ZNF560: variants seen among roughly 807,000 people sequenced by gnomAD.
The protein encoded by ZNF560 is zinc finger protein 560.
ZNF560 carries 54 observed loss-of-function variants against 81.8 expected under a neutral mutation model. The observed-to-expected ratio is 0.66, with a 90% CI of 0.53 to 0.83. ZNF560 has a LOEUF of 0.83. ZNF560 is among the 40% of genes least tolerant of loss of function. The pLI is 0.00. For synonymous variants in ZNF560, 321 were observed against 317.9 expected (o/e 1.01, Z -0.10); for missense variants, 940 against 932.4 (o/e 1.01, Z -0.11).
upstream of ZNF560, among the ~76,000 whole-genome samples, chr19:9,501,777 G>A (rs2073635488): frequency 6.6e-6 from 1 of 152,008 alleles, no homozygotes; most frequent in South Asian, 2.1e-4. Context: ...TAGGATTACA[G>A]GCATGAGCCA....
chr19:9,462,799 A>T (rs1035812754), downstream of ZNF560, among the ~76,000 whole-genome samples: 2 of 152,224 alleles, frequency 1.3e-5, no homozygotes, highest in Admixed American at 1.3e-4. Context: ...ACATTTAAAT[A>T]TTAGGTATCT....
Position 9,481,116 on chromosome 19 carries a change from C to T in ZNF560, c.-56-5747G>A, listed in dbSNP as rs182586672. 1.2e-3 allele frequency among the ~76,000 whole-genome samples: 169 copies of T among 142,126 alleles called. 1 individual carries two copies. Among genetic ancestry groups the T allele is most frequent in the African/African-American group, 3.9e-3 (151 of 38,892 alleles). The allele number at this position is 142,126 out of a possible 152,430, so 93.2% of individuals were successfully genotyped here. A position where few individuals can be genotyped will look rare whatever the true frequency, so the allele number is the denominator to read the frequency against. ...AAAAAAAAAGGCCTCAGAAATAACA[C>T]CACACATCTACACCATGTGATCTTT... is the stretch of plus-strand genomic sequence containing the variant. On this transcript the variant is annotated intron_variant, in intron 2 of 9. Transcript: ENST00000301480.
chr19:9,453,616 G>A, the ZNF560 span, among the ~76,000 whole-genome samples: 1 of 152,062 alleles, frequency 6.6e-6, no homozygotes, highest in Admixed American at 6.6e-5. Context: ...ACAGACTTAA[G>A]ATGAAATTGG....
intron 3 of ZNF560, among the ~76,000 whole-genome samples, chr19:9,474,824 T>A (rs975459027): frequency 6.9e-5 from 2 of 29,152 alleles, no homozygotes. Context: ...ATGCCTGGCA[T>A]TTTTTTTTTT....
At chr19:9,476,203 A>T (rs1417553494) in intron 2 of ZNF560, among the ~76,000 whole-genome samples, 1 of 152,020 alleles carries the variant, frequency 6.6e-6, no homozygotes, top group East Asian at 1.9e-4. Flanking sequence ...GCAGAACCAG[A>T]TGGAGGTGAT....
At chr19:9,447,954 G>A in the ZNF560 span, among the ~76,000 whole-genome samples, 1 of 152,184 alleles carries the variant, frequency 6.6e-6, no homozygotes, top group African/African-American at 2.4e-5. Context: ...CTTAAAGGCA[G>A]CTAGAGGAAA....
Position 9,466,790 on chromosome 19 carries a change from T to G in ZNF560, c.2157A>C (p.Lys719Asn), listed in dbSNP as rs140170249. ...TAAGATCTGAATGACAAGTGAAGGC[T>G]TTCCCACAGTCCTTACATTTATAGG... ...IKPYKCKDCG[K>N]AFTCHSDLTN... The change falls in exon 10 of 10, where the codon AAA (lysine) becomes AAC (asparagine). Residue 719 changes from lysine (K) to asparagine (N), a missense_variant. Transcript: ENST00000301480. 4.3e-6 allele frequency: 7 copies of G among 1,614,150 alleles called. No homozygotes were observed. Among genetic ancestry groups the G allele is most frequent in the Middle Eastern group, 1.6e-4 (1 of 6,062 alleles).
chr19:9,502,806 C>T (rs1285251306), upstream of ZNF560, among the ~76,000 whole-genome samples: 1 of 151,904 alleles, frequency 6.6e-6, no homozygotes, highest in Non-Finnish European at 1.5e-5. Flanking sequence ...TAGTGTGCCC[C>T]AGTTTCATTT....
intron 2 of ZNF560, among the ~76,000 whole-genome samples, chr19:9,476,611 T>C (rs2144699699): frequency 6.6e-6 from 1 of 152,256 alleles, no homozygotes; most frequent in Middle Eastern, 3.4e-3. Context: ...TTTATAAGTA[T>C]GTGGCATTTC....
chr19:9,485,872 T>C (rs995323589), intron 2 of ZNF560, among the ~76,000 whole-genome samples: 8 of 152,174 alleles, frequency 5.3e-5, no homozygotes, highest in Non-Finnish European at 7.3e-5. Flanking sequence ...TTGAGAAACA[T>C]GCTCAAGTAT....
intron 2 of ZNF560, among the ~76,000 whole-genome samples, chr19:9,487,730 CA>C (rs1426530265): frequency 6.6e-6 from 1 of 152,168 alleles, no homozygotes; most frequent in Admixed American, 6.5e-5. Flanking sequence ...AGGTCATGGT[CA>C]GGGGAGGGCC....
At chr19:9,453,383 A>G in the ZNF560 span, among the ~76,000 whole-genome samples, 2 of 152,008 alleles carry the variant, frequency 1.3e-5, no homozygotes, top group African/African-American at 4.8e-5. Context: ...TACTAATCAA[A>G]TCCATTTATT....
At chr19:9,460,357 A>T in the ZNF560 span, among the ~76,000 whole-genome samples, 1 of 152,262 alleles carries the variant, frequency 6.6e-6, no homozygotes, top group African/African-American at 2.4e-5. Flanking sequence ...ATTTTATGAC[A>T]GCGGTGATCA....
chr19:9,450,322 G>T, the ZNF560 span, among the ~76,000 whole-genome samples: 7 of 151,548 alleles, frequency 4.6e-5, no homozygotes, highest in African/African-American at 1.7e-4. Flanking sequence ...AAAAGGATGC[G>T]CACTCTAACC....
downstream of ZNF560, among the ~76,000 whole-genome samples, chr19:9,465,544 T>C (rs2073001933): frequency 6.6e-6 from 1 of 152,184 alleles, no homozygotes; most frequent in African/African-American, 2.4e-5. Flanking sequence ...TTATGGAGCA[T>C]CATCAGAGTG....
intron 7 of ZNF560, 131 bp from the exon 8 acceptor site, chr19:9,469,841 G>T (rs926049334): frequency 7.3e-6 from 5 of 689,176 alleles, no homozygotes; most frequent in Non-Finnish European, 1.3e-5. Flanking sequence ...CCATCTTTCT[G>T]TTCTCTGAAG....
In ZNF560 at chr19:9,470,501, G is replaced by C. The variant is rs371043551; in HGVS notation, c.339C>G (p.Asp113Glu). 1.9e-6 allele frequency: 3 copies of C among 1,614,048 alleles called. No individual in the cohort carries two copies. The African/African-American group carries it at 4.0e-5, about 22-fold the overall frequency. ...NGIQMDLVTF[D>E]SVAVEFTQEE... ...CCTGGGTGAACTCCACAGCCACACT[G>C]TCAAAGGTTACCAGGTCCTAAACCA... The change falls in exon 7 of 10, where the codon GAC (aspartate) becomes GAG (glutamate). Residue 113 changes from aspartate to glutamate, a missense_variant. Physicochemically the swap from Asp to Glu is conservative, Grantham distance 45. Coordinates refer to ENST00000301480, the MANE Select transcript of ZNF560 (RefSeq NM_152476.3).
the ZNF560 span, among the ~76,000 whole-genome samples, chr19:9,459,527 G>A: frequency 1.3e-5 from 2 of 152,254 alleles, no homozygotes; most frequent in African/African-American, 2.4e-5. Context: ...TGGGGGCTAC[G>A]AAGTATGGCA....
intron 7 of ZNF560, among the ~76,000 whole-genome samples, chr19:9,470,144 T>C (rs2073098057): frequency 6.6e-6 from 1 of 152,176 alleles, no homozygotes; most frequent in South Asian, 2.1e-4. Context: ...GTACATCGAG[T>C]CTGAGAATGT....
Sources: gnomAD v4.1 joint callset for allele counts (sites outside exome capture counted in the v4.1 genomes callset) on GRCh38, gnomAD v4.1.1 for gene constraint, MANE v1.5 for transcripts, NCBI Gene and HGNC (gene_info 2026-07-23, HGNC 2026-07-21) for gene names.